The following KLHDC4 variants were observed in gnomAD, a reference collection of about 807,000 sequenced individuals.
The protein encoded by KLHDC4 is kelch domain containing 4.
Under a neutral mutation model 62.4 loss-of-function variants are expected in KLHDC4, and 90 were observed. The observed-to-expected ratio is 1.44, with a 90% CI of 1.22 to 1.72. KLHDC4 has a LOEUF of 1.72. KLHDC4 is among the 40% of genes most tolerant of loss of function. The pLI is 0.00. For synonymous variants in KLHDC4, 386 were observed against 284.4 expected (o/e 1.36, Z -3.59); for missense variants, 1,025 against 699.7 (o/e 1.47, Z -5.25).
At chr16:87,764,830 CA>C (rs35356541) in intron 1 of KLHDC4, among the ~76,000 whole-genome samples, 33,565 of 80,534 alleles carry the variant, frequency 0.42, 3,311 homozygotes, top group African/African-American at 0.46. Context: ...AAGACTCTGT[CA>C]AAAAAAAAAA....
chr16:87,711,812 G>A (rs1403125554), intron 8 of KLHDC4, among the ~76,000 whole-genome samples: 2 of 151,528 alleles, frequency 1.3e-5, no homozygotes, highest in African/African-American at 4.8e-5. Context: ...CCGGCACGGG[G>A]ACCCTTCGCC....
chr16:87,762,317 C>A (rs1271821098), intron 1 of KLHDC4, among the ~76,000 whole-genome samples: 2 of 152,216 alleles, frequency 1.3e-5, no homozygotes, highest in African/African-American at 4.8e-5. Context: ...CTTAGACAAG[C>A]CCGTTGTGAC....
chr16:87,738,196 G>C (rs931880830), intron 5 of KLHDC4, among the ~76,000 whole-genome samples: 1 of 152,112 alleles, frequency 6.6e-6, no homozygotes, highest in African/African-American at 2.4e-5. Flanking sequence ...AACTCGTTGC[G>C]GTCCTTCACT....
At chr16:87,749,143 G>C (rs2043499983) in intron 4 of KLHDC4, among the ~76,000 whole-genome samples, 1 of 151,836 alleles carries the variant, frequency 6.6e-6, no homozygotes, top group Non-Finnish European at 1.5e-5. Flanking sequence ...GTGCAACCTA[G>C]CAGTGTTTTC....
rs60502234 is a variant in KLHDC4, at chr16:87,701,836, T to A, written c.679A>T (p.Ser227Cys). ...AGGCCTCCAGCTGCACCACCACTGC[T>A]CGTTAACAGCTGCCATCCACACCGA... Residue 227 changes from serine (S) to cysteine (C), a missense_variant, in exon 1 of 1, where the codon AGC (serine) becomes TGC (cysteine). Coordinates refer to the KLHDC4 transcript ENST00000446344. 9.0e-3 allele frequency: 4,132 copies of A among 456,584 alleles called. 145 individuals carry two copies. Among genetic ancestry groups the A allele is most frequent in the African/African-American group, 0.073 (3,652 of 50,150 alleles). 28.3% of individuals were successfully genotyped at this position (456,584 alleles called of 1,614,324 possible).
At chr16:87,699,960 C>A (rs1412064546) in exon 1 of KLHDC4, 1 of 152,256 alleles carries the variant, frequency 6.6e-6, no homozygotes, top group Non-Finnish European at 1.5e-5. Flanking sequence ...TTTTGCAGTT[C>A]AGGTTCTTGG....
At chr16:87,761,081 C>G (rs752522305) in intron 2 of KLHDC4, among the ~76,000 whole-genome samples, 3 of 151,976 alleles carry the variant, frequency 2.0e-5, no homozygotes, top group African/African-American at 7.2e-5. Context: ...ACATTTGGCC[C>G]TGAGGGCAAC....
At chr16:87,733,935 T>C (rs1230900552) in intron 5 of KLHDC4, among the ~76,000 whole-genome samples, 1 of 152,264 alleles carries the variant, frequency 6.6e-6, no homozygotes, top group Non-Finnish European at 1.5e-5. Flanking sequence ...CGCAAGTCAG[T>C]GCCTATTTAG....
At chr16:87,720,119 AGAG>A (rs145291618) in intron 7 of KLHDC4, among the ~76,000 whole-genome samples, 2,074 of 152,294 alleles carry the variant, frequency 0.014, 55 homozygotes, top group African/African-American at 0.047. Context: ...AATCATCAGG[AGAG>A]GAGAAGACAC....
At chr16:87,714,390 A>G in intron 8 of KLHDC4, 108 bp downstream of exon 8, 1 of 1,039,612 alleles carries the variant, frequency 9.6e-7, no homozygotes, top group Non-Finnish European at 1.2e-6. Flanking sequence ...CGCTCCGGGC[A>G]GGGTGCAGGG....
chr16:87,702,421 A>AC, intron 13 of KLHDC4: 1 of 368,002 alleles, frequency 2.7e-6, no homozygotes, highest in Non-Finnish European at 5.4e-6. Context: ...CAGCCTGGGA[A>AC]CCCCCGGCTT....
At chr16:87,762,839 T>C (rs925691264) in intron 1 of KLHDC4, among the ~76,000 whole-genome samples, 1 of 152,146 alleles carries the variant, frequency 6.6e-6, no homozygotes, top group Non-Finnish European at 1.5e-5. Flanking sequence ...TTCAAGTTCC[T>C]TCTAGCCTTC....
chr16:87,730,624 C>G lies in KLHDC4; in HGVS notation c.527G>C (p.Gly176Ala), dbSNP rs1195889465. The change falls in exon 6 of 12, where the codon GGT becomes GCT. Residue 176 changes from glycine (G) to alanine (A), a missense_variant. Transcript: ENST00000270583. ...GGCCACCATCCGATGTCCACTCCGA[C>G]CCGAAGGACCGCCTGTTGATCTAAA... is the stretch of plus-strand genomic sequence containing the variant. ...EQVKSTGGPS[G>A]RSGHRMVAWK... 4.3e-6 allele frequency: 7 copies of G among 1,612,896 alleles called. No individual in the cohort carries two copies. The South Asian group carries it at 7.7e-5, about 18-fold the overall frequency.
intron 2 of KLHDC4, among the ~76,000 whole-genome samples, chr16:87,761,732 A>C (rs768255662): frequency 4.6e-5 from 7 of 152,210 alleles, no homozygotes; most frequent in Non-Finnish European, 8.8e-5. Context: ...CGGAGCCCAG[A>C]GGCAGCAGCT....
intron 5 of KLHDC4, among the ~76,000 whole-genome samples, chr16:87,739,178 C>T (rs1428706019): frequency 1.1e-4 from 8 of 70,848 alleles, no homozygotes; most frequent in South Asian, 5.1e-4. Flanking sequence ...CACACACCAG[C>T]ATCTCATCCA....
intron 7 of KLHDC4, among the ~76,000 whole-genome samples, chr16:87,715,177 G>C (rs996501692): frequency 1.3e-5 from 2 of 152,172 alleles, no homozygotes; most frequent in Non-Finnish European, 2.9e-5. Flanking sequence ...GGTTGTGAGG[G>C]AGATAGCCAG....
At chr16:87,722,185 T>G (rs1190842339) in intron 7 of KLHDC4, among the ~76,000 whole-genome samples, 1 of 152,200 alleles carries the variant, frequency 6.6e-6, no homozygotes, top group Non-Finnish European at 1.5e-5. Flanking sequence ...GTCATCATAG[T>G]CAAAGCACTA....
intron 2 of KLHDC4, among the ~76,000 whole-genome samples, chr16:87,759,266 G>A (rs1344347798): frequency 6.6e-6 from 1 of 151,936 alleles, no homozygotes; most frequent in African/African-American, 2.4e-5. Context: ...CGGGTGCAGT[G>A]GCTCACACCT....
chr16:87,713,268 C>T (rs1266668181), intron 8 of KLHDC4, among the ~76,000 whole-genome samples: 2 of 151,964 alleles, frequency 1.3e-5, no homozygotes, highest in East Asian at 1.9e-4. Context: ...GGTGCAATCT[C>T]GGCTCACTGC....
Sources: gnomAD v4.1 joint callset for allele counts (sites outside exome capture counted in the v4.1 genomes callset) on GRCh38, gnomAD v4.1.1 for gene constraint, MANE v1.5 for transcripts, NCBI Gene and HGNC (gene_info 2026-07-23, HGNC 2026-07-21) for gene names.